The following SEC24D variants were observed in gnomAD, a reference collection of about 807,000 sequenced individuals.
SEC24D encodes protein transport protein Sec24D.
In SEC24D, 69 loss-of-function variants were observed where a neutral mutation model predicts 116.9. The observed-to-expected ratio is 0.59, with a 90% CI of 0.49 to 0.72. SEC24D has a LOEUF of 0.72. SEC24D is among the 30% of genes least tolerant of loss of function. SEC24D has a pLI of 0.00. For missense variants in SEC24D, 1,131 were observed against 1,264.1 expected (o/e 0.89, Z 1.60); for synonymous variants, 405 against 442.8 (o/e 0.91, Z 1.07).
intron 6 of SEC24D, among the ~76,000 whole-genome samples, chr4:118,811,786 G>A (rs1166468108): frequency 1.3e-5 from 2 of 152,086 alleles, no homozygotes; most frequent in East Asian, 1.9e-4. Context: ...ATCAATAAAG[G>A]CACTAAGAAT....
intron 13 of SEC24D, among the ~76,000 whole-genome samples, chr4:118,745,946 C>T (rs1400802091): frequency 6.6e-6 from 1 of 151,978 alleles, no homozygotes; most frequent in Non-Finnish European, 1.5e-5. Context: ...GAGGCCAATG[C>T]AGGAGGACTG....
intron 8 of SEC24D, among the ~76,000 whole-genome samples, chr4:118,780,501 G>A (rs1390093941): frequency 6.6e-6 from 1 of 152,172 alleles, no homozygotes; most frequent in East Asian, 1.9e-4. Flanking sequence ...TACATTTGCT[G>A]AGGAGTACTT....
In SEC24D at chr4:118,757,861, C is replaced by A. The variant is rs781212921; in HGVS notation, c.1297-16G>T. ...GCTTACTCTTCTATAGGAAAGCAAA[C>A]ACATCACATAAATAAAGTAAATACA... On this transcript the variant is annotated splice_polypyrimidine_tract_variant and intron_variant, in intron 10 of 22. Transcript: ENST00000280551. 3.1e-6 allele frequency: 5 copies of A among 1,587,842 alleles called. No homozygotes were observed. The South Asian group carries it at 4.6e-5, about 15-fold the overall frequency.
chr4:118,746,510 G>A (rs554084519), intron 13 of SEC24D, among the ~76,000 whole-genome samples: 1 of 152,070 alleles, frequency 6.6e-6, no homozygotes, highest in East Asian at 1.9e-4. Context: ...AGCTTCAAAG[G>A]CCCTTTGAAG....
intron 9 of SEC24D, among the ~76,000 whole-genome samples, chr4:118,767,563 A>G (rs1452132507): frequency 6.6e-6 from 1 of 152,262 alleles, no homozygotes; most frequent in African/African-American, 2.4e-5. Context: ...TAGACATGTT[A>G]TAAATGTAAT....
intron 8 of SEC24D, among the ~76,000 whole-genome samples, chr4:118,787,039 G>GT (rs1002136047): frequency 6.6e-6 from 1 of 152,068 alleles, no homozygotes; most frequent in Non-Finnish European, 1.5e-5. Context: ...CCTGACAAAT[G>GT]TGACTCTCCC....
rs1731078349 is a variant in SEC24D, at chr4:118,835,937, T to G, written c.-42+4A>C. 1 of 152,140 alleles carries G rather than the reference T, an allele frequency of 6.6e-6. No individual in the cohort carries two copies. The allele number at this position is 152,140 out of a possible 1,614,324, so 9.4% of individuals were successfully genotyped here. On this transcript the variant is annotated splice_donor_region_variant and intron_variant, in intron 1 of 22. Transcript: ENST00000280551. ...TGAAGGCGTCCGCGGGTGGGAGGCTTTACCTGTTCCCGCTCCCGCACCCCG... is the reference window on the plus strand; with the variant it reads ...TGAAGGCGTCCGCGGGTGGGAGGCTGTACCTGTTCCCGCTCCCGCACCCCG...
In SEC24D at chr4:118,753,617, T is replaced by A. The variant is rs28609351; in HGVS notation, c.1422-729A>T. On this transcript the variant is annotated intron_variant, in intron 11 of 22. Coordinates refer to ENST00000280551, the MANE Select transcript of SEC24D (RefSeq NM_014822.4). ...CGAGGCCTTAGTATTCCTGTAAGTA[T>A]AAAGGCATGAATGTTCTCGTTCCAG... Among the ~76,000 whole-genome samples, 1,467 of 152,096 alleles carry A rather than the reference T, an allele frequency of 9.6e-3. 24 individuals are homozygous for A. The highest frequency in any genetic ancestry group is 0.033 in the African/African-American group (1,359 of 41,520).
Position 118,728,607 on chromosome 4 carries a change from C to G in SEC24D, c.2912G>C (p.Arg971Thr). The G allele has an allele frequency of 6.2e-7, 1 of 1,611,358 alleles. No individual in the cohort carries two copies. The highest frequency in any genetic ancestry group is 2.2e-5 in the East Asian group (1 of 44,764). Residue 971 changes from arginine to threonine, a missense_variant, in exon 22 of 23, where the codon AGA (arginine) becomes ACA (threonine). By Grantham distance (71) the Arg-to-Thr change is moderately conservative (BLOSUM62 -1). Coordinates refer to ENST00000280551, the MANE Select transcript of SEC24D (RefSeq NM_014822.4). ...EVGNPYSQQL[R>T]MIMGIIQQKR... is the part of the protein sequence containing the mutation. ...TTGTTGGATAATACCCATTATCATT[C>G]TGAGTTGTTGAGAGTATGGGTTTCC...
intron 7 of SEC24D, among the ~76,000 whole-genome samples, chr4:118,801,654 T>A (rs115317002): frequency 4.6e-5 from 7 of 152,198 alleles, no homozygotes; most frequent in African/African-American, 1.7e-4. Flanking sequence ...TCGTTAAAAT[T>A]ACCAATAAAA....
At chr4:118,820,505 T>C (rs1027465448) in intron 3 of SEC24D, among the ~76,000 whole-genome samples, 3 of 152,102 alleles carry the variant, frequency 2.0e-5, no homozygotes, top group African/African-American at 7.2e-5. Flanking sequence ...ATTACTTTAT[T>C]GAAAGTCACA....
intron 9 of SEC24D, 122 bp from the exon 10 acceptor site, chr4:118,765,039 T>C (rs1237692951): frequency 8.0e-6 from 5 of 625,730 alleles, no homozygotes; most frequent in Non-Finnish European, 1.4e-5. Flanking sequence ...ATTTTAAAGC[T>C]GGAATGTAGT....
At chr4:118,805,415 G>A (rs1050568709) in intron 7 of SEC24D, among the ~76,000 whole-genome samples, 2 of 152,038 alleles carry the variant, frequency 1.3e-5, no homozygotes, top group Non-Finnish European at 2.9e-5. Flanking sequence ...TTTAAATGTG[G>A]GAAAACAGAA....
At chr4:118,792,102 C>G (rs1260025073) in intron 8 of SEC24D, among the ~76,000 whole-genome samples, 1 of 151,432 alleles carries the variant, frequency 6.6e-6, no homozygotes, top group African/African-American at 2.4e-5. Flanking sequence ...CCCGCCGCCC[C>G]GTCTGAGATG....
At chr4:118,781,872 A>C (rs529083351) in intron 8 of SEC24D, among the ~76,000 whole-genome samples, 2 of 152,310 alleles carry the variant, frequency 1.3e-5, no homozygotes, top group African/African-American at 4.8e-5. Flanking sequence ...CACTTGAAGG[A>C]ATCGGCTACT....
intron 8 of SEC24D, among the ~76,000 whole-genome samples, chr4:118,770,029 G>C (rs1010687845): frequency 2.0e-5 from 3 of 152,220 alleles, no homozygotes; most frequent in Non-Finnish European, 4.4e-5. Flanking sequence ...AGGTCCTGAA[G>C]GCTACCTGGT....
Position 118,738,264 on chromosome 4 carries a change from G to C in SEC24D, c.2493C>G (p.Ser831Arg). 6.2e-7 allele frequency: 1 copy of C among 1,604,686 alleles called. No individual in the cohort carries two copies. The highest frequency in any genetic ancestry group is 2.2e-5 in the East Asian group (1 of 44,806). Residue 831 changes from serine to arginine, a missense_variant, in exon 19 of 23, where the codon AGC (serine) becomes AGG (arginine). By Grantham distance (110) the Ser-to-Arg change is moderately radical. Transcript: ENST00000280551. ...RKNCASPSAA[S>R]QLILPDSMKV... ...CTATGTGCAATAGGTAGCTCACCTGGCTTGCTGCAGAAGGACTTGCACAAT... is the reference window on the plus strand; with the variant it reads ...CTATGTGCAATAGGTAGCTCACCTGCCTTGCTGCAGAAGGACTTGCACAAT...
intron 7 of SEC24D, among the ~76,000 whole-genome samples, chr4:118,799,523 A>G (rs1729329345): frequency 6.6e-6 from 1 of 152,210 alleles, no homozygotes; most frequent in South Asian, 2.1e-4. Context: ...GGTATTTGAA[A>G]CCATGAAACC....
At chr4:118,750,838 AATTGACATAT>A (rs1254112722) in intron 13 of SEC24D, among the ~76,000 whole-genome samples, 2 of 151,970 alleles carry the variant, frequency 1.3e-5, no homozygotes, top group Admixed American at 1.3e-4. Flanking sequence ...TTTTATGTTA[AATTGACATAT>A]ATTCTGAGAC....
Sources: gnomAD v4.1 joint callset for allele counts (sites outside exome capture counted in the v4.1 genomes callset) on GRCh38, gnomAD v4.1.1 for gene constraint, MANE v1.5 for transcripts, NCBI Gene and HGNC (gene_info 2026-07-23, HGNC 2026-07-21) for gene names.